Variants in KMT2C observed in about 807,000 individuals in gnomAD.
KMT2C encodes histone-lysine N-methyltransferase 2C.
A neutral mutation model predicts 507.9 loss-of-function variants in KMT2C; 88 were observed. The ratio of observed to expected loss-of-function variants is 0.17; its 90% CI spans 0.15 to 0.21. KMT2C has a LOEUF of 0.21. Among genes scored for constraint, KMT2C ranks in the 10% least tolerant of loss-of-function variants. KMT2C has a pLI of 1.00. For synonymous variants in KMT2C, 2,049 were observed against 2,080.8 expected (o/e 0.98, Z 0.42); for missense variants, 4,954 against 5,957.8 (o/e 0.83, Z 5.55).
In KMT2C at chr7:152,250,979, T is replaced by A. The variant is rs1186274524; in HGVS notation, c.1622-13A>T. The stretch of plus-strand genomic sequence containing the variant: ...TCATTGTTATAATCTTAACAAAAAA[T>A]TATTAATTCTTTAGCTCAGAATGAG... On this transcript the variant is annotated splice_polypyrimidine_tract_variant and intron_variant, in intron 11 of 58. Transcript: ENST00000262189. 1.4e-6 allele frequency: 2 copies of A among 1,398,092 alleles called. No homozygotes were observed. Among genetic ancestry groups the A allele is most frequent in the East Asian group, 2.3e-5 (1 of 43,752 alleles). 86.6% of individuals were successfully genotyped at this position (1,398,092 alleles called of 1,614,324 possible). A position where few individuals can be genotyped will look rare whatever the true frequency, so the allele number is the denominator to read the frequency against.
chr7:152,255,527 A>C lies in KMT2C; in HGVS notation c.1300-2812T>G, dbSNP rs1308842552. ...AATGAGGTTTTTATTGGGGCTACAT[A>C]TGGTGATCCTAAAGTTTATACAGAA... On this transcript the variant is annotated intron_variant, in intron 9 of 58. Coordinates refer to ENST00000262189, the MANE Select transcript of KMT2C (RefSeq NM_170606.3). 2.6e-5 allele frequency among the ~76,000 whole-genome samples: 4 copies of C among 152,072 alleles called. No homozygotes were observed. The East Asian group carries it at 7.7e-4, about 29-fold the overall frequency.
intron 4 of KMT2C, among the ~76,000 whole-genome samples, chr7:152,312,520 G>C (rs1357610939): frequency 1.3e-5 from 2 of 152,186 alleles, no homozygotes; most frequent in African/African-American, 2.4e-5. Flanking sequence ...TCAACAGCTG[G>C]TCTGTGGCAT....
intron 3 of KMT2C, among the ~76,000 whole-genome samples, chr7:152,318,519 C>T (rs142386515): frequency 1.9e-3 from 275 of 141,836 alleles, no homozygotes; most frequent in African/African-American, 6.8e-3. Context: ...CCCAGCTACT[C>T]GGGAGGCTGA....
intron 23 of KMT2C, among the ~76,000 whole-genome samples, chr7:152,209,285 T>C (rs2094394689): frequency 1.3e-5 from 2 of 151,002 alleles, no homozygotes; most frequent in Admixed American, 6.6e-5. Context: ...TGAAACCCTG[T>C]CTCTACTAAA....
At chr7:152,170,339 T>C (rs906573009) in intron 40 of KMT2C, among the ~76,000 whole-genome samples, 1 of 150,486 alleles carries the variant, frequency 6.6e-6, no homozygotes, top group Non-Finnish European at 1.5e-5. Flanking sequence ...GGACATACAT[T>C]ATAGTAGGTA....
In KMT2C at chr7:152,180,841, G is replaced by C. The variant is rs1394961873; in HGVS notation, c.7019C>G (p.Ser2340Cys). The change falls in exon 36 of 59, where the codon TCT becomes TGT. Residue 2340 changes from serine to cysteine, a missense_variant. Physicochemically the swap from Ser to Cys is moderately radical, Grantham distance 112. Coordinates refer to ENST00000262189, the MANE Select transcript of KMT2C (RefSeq NM_170606.3). ...CTGCTGGCCTTGGGAGTGCATTGGAGAGTTTGAAGATGCACAGAAGCTCCC... is the reference window on the plus strand; with the variant it reads ...CTGCTGGCCTTGGGAGTGCATTGGACAGTTTGAAGATGCACAGAAGCTCCC... Reference protein sequence around the residue: ...SEGSFCASSNSPMHSQGQQFS... With the variant: ...SEGSFCASSNCPMHSQGQQFS... The C allele has an allele frequency of 6.2e-7, 1 of 1,614,186 alleles. No homozygotes were observed. The highest frequency in any genetic ancestry group is 1.1e-5 in the South Asian group (1 of 91,076).
At chr7:152,375,586 A>T (rs532634086) in intron 1 of KMT2C, among the ~76,000 whole-genome samples, 1 of 151,522 alleles carries the variant, frequency 6.6e-6, no homozygotes, top group East Asian at 2.0e-4. Flanking sequence ...GGGTTTCACC[A>T]TGCTGGCCAG....
chr7:152,255,354 G>C (rs1230829517), intron 9 of KMT2C, among the ~76,000 whole-genome samples: 1 of 151,352 alleles, frequency 6.6e-6, no homozygotes, highest in African/African-American at 2.4e-5. Context: ...TTTGTAGAGA[G>C]GCAGTTTCAC....
At chr7:152,202,802 C>A in intron 26 of KMT2C, 132 bp downstream of exon 26, 1 of 737,182 alleles carries the variant, frequency 1.4e-6, no homozygotes, top group Non-Finnish European at 2.1e-6. Context: ...GTAAAAATGG[C>A]ATTTATGATG....
chr7:152,406,578 TACA>T (rs376054701), intron 1 of KMT2C, among the ~76,000 whole-genome samples: 68 of 139,314 alleles, frequency 4.9e-4, no homozygotes, highest in South Asian at 1.2e-3. Context: ...AGTGCAGTAG[TACA>T]ATCATGGCTC....
At position 152,163,198 on chromosome 7, in the gene KMT2C, C is replaced by G. The variant is rs140810054; in HGVS notation, c.10379G>C (p.Cys3460Ser). ...QIPFYSSDLPCDFMQPLGPLQ... is the reference protein window; with the variant it reads ...QIPFYSSDLPSDFMQPLGPLQ... ...GGGTCCTAGAGGTTGCATAAAATCA[C>G]AAGGTAAGTCGGAACTGTAGAAGGG... The change falls in exon 43 of 59, where the codon TGT (cysteine) becomes TCT (serine). Residue 3460 changes from cysteine to serine, a missense_variant. Coordinates refer to ENST00000262189, the MANE Select transcript of KMT2C (RefSeq NM_170606.3). 1 of 1,614,192 alleles carries G rather than the reference C, an allele frequency of 6.2e-7. No homozygotes were observed. The highest frequency in any genetic ancestry group is 1.1e-5 in the South Asian group (1 of 91,082).
chr7:152,153,348 G>C (rs577712460), intron 48 of KMT2C, among the ~76,000 whole-genome samples: 1 of 152,030 alleles, frequency 6.6e-6, no homozygotes, highest in African/African-American at 2.4e-5. Flanking sequence ...GTATTTTGTT[G>C]ATAACCAAAA....
chr7:152,365,067 G>C (rs530619053), intron 1 of KMT2C, among the ~76,000 whole-genome samples: 1 of 152,004 alleles, frequency 6.6e-6, no homozygotes, highest in Non-Finnish European at 1.5e-5. Context: ...CTTAAAGGGG[G>C]AATAAAGTAA....
chr7:152,211,663 C>T (rs1402438416), intron 23 of KMT2C, among the ~76,000 whole-genome samples: 1 of 152,196 alleles, frequency 6.6e-6, no homozygotes, highest in East Asian at 1.9e-4. Context: ...ACATACAGTG[C>T]CCTCACACAG....
chr7:152,412,229 G>A (rs1249585081), intron 1 of KMT2C, among the ~76,000 whole-genome samples: 2 of 151,852 alleles, frequency 1.3e-5, no homozygotes, highest in South Asian at 2.1e-4. Flanking sequence ...GGTGAAACCC[G>A]ATCTCTACTA....
intron 38 of KMT2C, among the ~76,000 whole-genome samples, chr7:152,174,473 T>C (rs1316041210): frequency 6.6e-6 from 1 of 152,212 alleles, no homozygotes; most frequent in East Asian, 1.9e-4. Flanking sequence ...TAAGGGAGAT[T>C]ATAAGCAATA....
At chr7:152,265,008 A>T (rs1387747597) in intron 8 of KMT2C, 30 bp downstream of exon 8, 1 of 1,612,748 alleles carries the variant, frequency 6.2e-7, no homozygotes, top group Admixed American at 1.7e-5. Context: ...TAAACCCAAT[A>T]CACAGCTTTG....
At chr7:152,353,538 G>C (rs1167450681) in intron 2 of KMT2C, among the ~76,000 whole-genome samples, 1 of 152,070 alleles carries the variant, frequency 6.6e-6, no homozygotes, top group African/African-American at 2.4e-5. Context: ...CTGTTACCCA[G>C]ACTGGTGAAC....
intron 40 of KMT2C, among the ~76,000 whole-genome samples, chr7:152,169,699 A>G (rs1302426314): frequency 2.0e-5 from 3 of 152,208 alleles, no homozygotes; most frequent in Non-Finnish European, 4.4e-5. Flanking sequence ...ATGCACAAAT[A>G]TAAAAGAAAA....
Sources: gnomAD v4.1 joint callset for allele counts (sites outside exome capture counted in the v4.1 genomes callset) on GRCh38, gnomAD v4.1.1 for gene constraint, MANE v1.5 for transcripts, NCBI Gene and HGNC (gene_info 2026-07-23, HGNC 2026-07-21) for gene names.